Variants in LHPP observed in about 807,000 individuals in gnomAD.
LHPP encodes the protein phospholysine phosphohistidine inorganic pyrophosphate phosphatase.
In LHPP, 24 loss-of-function variants were observed where a neutral mutation model predicts 30.3. The observed-to-expected ratio is 0.79, with a 90% CI of 0.57 to 1.11. The LOEUF is 1.11. LHPP is among the 50% of genes most tolerant of loss of function. The pLI, the probability that LHPP is intolerant of heterozygous loss-of-function variation, is 0.00. For synonymous variants in LHPP, 150 were observed against 157.1 expected, an observed-to-expected ratio of 0.95 and a Z score of 0.34; for missense variants, 356 against 367.2, an observed-to-expected ratio of 0.97 and a Z score of 0.25.
rs1564852766 is a variant in LHPP, at chr10:124,610,438, T to TGGA, written c.717-2825_717-2824insGAG. Among the ~76,000 whole-genome samples, 4 of 78,528 alleles carry TGGA rather than the reference T, an allele frequency of 5.1e-5. 1 individual carries two copies. The highest frequency in any genetic ancestry group is 2.0e-4 in the African/African-American group (4 of 20,250). The allele number at this position is 78,528 out of a possible 152,430, so 51.5% of individuals were successfully genotyped here. A position where few individuals can be genotyped will look rare whatever the true frequency, so the allele number is the denominator to read the frequency against. ...GTGAGGGTGAGGGTGAGGGTGCTGATGCAGCGGGTGAGGGTGAGGGTGAGG... is the reference window on the plus strand; with the variant it reads ...GTGAGGGTGAGGGTGAGGGTGCTGATGGAGCAGCGGGTGAGGGTGAGGGTGAGG... On this transcript the variant is annotated intron_variant, in intron 6 of 6. Coordinates refer to ENST00000368842, the MANE Select transcript of LHPP (RefSeq NM_022126.4).
chr10:124,604,051 G>A (rs920172524), intron 6 of LHPP, among the ~76,000 whole-genome samples: 2 of 152,232 alleles, frequency 1.3e-5, no homozygotes, highest in African/African-American at 2.4e-5. Flanking sequence ...GGAGAAGAGG[G>A]GCTTGGGAGG....
intron 5 of LHPP, among the ~76,000 whole-genome samples, chr10:124,505,601 C>G (rs916453742): frequency 2.6e-5 from 4 of 152,148 alleles, no homozygotes; most frequent in Admixed American, 2.0e-4. Flanking sequence ...GCAACCTGGC[C>G]CTTTCTAGGA....
chr10:124,583,927 G>T (rs186351098), intron 6 of LHPP, among the ~76,000 whole-genome samples: 1 of 152,290 alleles, frequency 6.6e-6, no homozygotes, highest in African/African-American at 2.4e-5. Flanking sequence ...TTTGTAGTAA[G>T]TTTTGAAATT....
At chr10:124,586,617 A>G (rs997506477) in intron 6 of LHPP, among the ~76,000 whole-genome samples, 8 of 152,200 alleles carry the variant, frequency 5.3e-5, no homozygotes, top group Admixed American at 5.2e-4. Flanking sequence ...GAGGCTCCAC[A>G]GGGGAAGTGA....
intron 5 of LHPP, among the ~76,000 whole-genome samples, chr10:124,507,894 C>CG (rs1397342188): frequency 6.8e-4 from 6 of 8,828 alleles, no homozygotes; most frequent in African/African-American, 2.0e-3. Context: ...GATTTCAGGT[C>CG]GGGGGGGTAG....
At chr10:124,599,478 GC>G (rs1948994733) in intron 6 of LHPP, among the ~76,000 whole-genome samples, 2 of 152,308 alleles carry the variant, frequency 1.3e-5, no homozygotes, top group African/African-American at 4.8e-5. Flanking sequence ...CAAAGCCCAG[GC>G]CCCCTCTGCC....
At chr10:124,565,056 G>A (rs10901760) in intron 6 of LHPP, among the ~76,000 whole-genome samples, 26,415 of 152,076 alleles carry the variant, frequency 0.17, 2,750 homozygotes, top group East Asian at 0.36. Flanking sequence ...AGCGCTCTGT[G>A]TGAGGCTCCA....
intron 1 of LHPP, among the ~76,000 whole-genome samples, chr10:124,475,698 G>A (rs373607575): frequency 6.6e-6 from 1 of 152,206 alleles, no homozygotes; most frequent in South Asian, 2.1e-4. Flanking sequence ...TCTGCTTCCC[G>A]AGCTGAGCTC....
chr10:124,489,090 T>A (rs1953431753), intron 3 of LHPP, among the ~76,000 whole-genome samples: 1 of 152,256 alleles, frequency 6.6e-6, no homozygotes, highest in African/African-American at 2.4e-5. Flanking sequence ...CTTTAGCACA[T>A]GCCTTGCCAT....
intron 5 of LHPP, among the ~76,000 whole-genome samples, chr10:124,513,891 A>C (rs1954382562): frequency 6.6e-6 from 1 of 151,940 alleles, no homozygotes; most frequent in Non-Finnish European, 1.5e-5. Context: ...ACTGGCGAGG[A>C]CTGTATGACT....
Position 124,498,098 on chromosome 10 carries a change from C to A in LHPP, c.594C>A (p.Ala198=). 6.2e-7 allele frequency: 1 copy of A among 1,614,040 alleles called. No homozygotes were observed. Among genetic ancestry groups the A allele is most frequent in the African/African-American group, 1.3e-5 (1 of 75,012 alleles). Reference sequence around the variant, plus strand: ...CTTCTCCTGAGTTTTTCAAGTCTGCCCTGCAAGCGATAGGAGTGGAAGCCC... The same window carrying A: ...CTTCTCCTGAGTTTTTCAAGTCTGCACTGCAAGCGATAGGAGTGGAAGCCC... The part of the protein sequence containing the change: ...GKPSPEFFKS[A]LQAIGVEAHQ... The change falls in exon 5 of 7, where the codon GCC becomes GCA. Residue 198 remains alanine (A), a synonymous_variant. Coordinates refer to ENST00000368842, the MANE Select transcript of LHPP (RefSeq NM_022126.4).
chr10:124,467,526 T>TA (rs1564763812), intron 1 of LHPP, among the ~76,000 whole-genome samples: 1 of 150,952 alleles, frequency 6.6e-6, no homozygotes. Flanking sequence ...TTTCTTTTTT[T>TA]TTTTTTTTTG....
intron 5 of LHPP, among the ~76,000 whole-genome samples, chr10:124,507,850 G>A (rs1181845881): frequency 3.3e-5 from 4 of 120,438 alleles, no homozygotes; most frequent in Non-Finnish European, 6.9e-5. Flanking sequence ...TCAGGTGGGG[G>A]GGTAGGGAGG....
At chr10:124,574,680 C>G (rs1589877159) in intron 6 of LHPP, among the ~76,000 whole-genome samples, 1 of 152,270 alleles carries the variant, frequency 6.6e-6, no homozygotes, top group African/African-American at 2.4e-5. Context: ...CTGATTTGGG[C>G]CCCGTAGGGC....
At chr10:124,466,081 T>C (rs1952545450) in intron 1 of LHPP, among the ~76,000 whole-genome samples, 1 of 152,154 alleles carries the variant, frequency 6.6e-6, no homozygotes. Context: ...AAGTACAAGG[T>C]CATTCCTGGC....
intron 6 of LHPP, among the ~76,000 whole-genome samples, chr10:124,524,278 T>TTG (rs1342504947): frequency 2.7e-4 from 34 of 125,676 alleles, no homozygotes; most frequent in African/African-American, 1.4e-3. Context: ...TGTTTTCATT[T>TTG]TTTTTTTTTT....
intron 6 of LHPP, among the ~76,000 whole-genome samples, chr10:124,540,981 A>G (rs1401469999): frequency 6.6e-6 from 1 of 152,266 alleles, no homozygotes; most frequent in Non-Finnish European, 1.5e-5. Context: ...GGGCCAAAGA[A>G]AATGTTTTAA....
intron 3 of LHPP, among the ~76,000 whole-genome samples, chr10:124,495,987 C>T (rs543790373): frequency 6.6e-6 from 1 of 152,198 alleles, no homozygotes; most frequent in Non-Finnish European, 1.5e-5. Context: ...AGTCAGCATG[C>T]GCTCTTCTTC....
chr10:124,518,096 G>A (rs905943895), intron 6 of LHPP, among the ~76,000 whole-genome samples: 14 of 152,158 alleles, frequency 9.2e-5, no homozygotes, highest in African/African-American at 2.9e-4. Context: ...GGGCCCGACC[G>A]TCGCTCTGAA....
Sources: gnomAD v4.1 joint callset for allele counts (sites outside exome capture counted in the v4.1 genomes callset) on GRCh38, gnomAD v4.1.1 for gene constraint, MANE v1.5 for transcripts, NCBI Gene and HGNC (gene_info 2026-07-23, HGNC 2026-07-21) for gene names.